The following SLC38A12 variants were observed in gnomAD, a reference collection of about 807,000 sequenced individuals.
SLC38A12 encodes the protein solute carrier family 38 member 12.
chr17:74,789,663 T>A, the SLC38A12 span, among the ~76,000 whole-genome samples: 2 of 151,568 alleles, frequency 1.3e-5, no homozygotes, highest in African/African-American at 4.9e-5. Flanking sequence ...CTGACTAACA[T>A]GGTGAAACCC....
chr17:74,811,979 G>A, the SLC38A12 span, among the ~76,000 whole-genome samples: 3 of 151,910 alleles, frequency 2.0e-5, no homozygotes, highest in African/African-American at 4.8e-5. Context: ...CTAGGAGTTC[G>A]GGGCTGCAGT....
chr17:74,801,985 C>T, the SLC38A12 span, among the ~76,000 whole-genome samples: 1 of 152,102 alleles, frequency 6.6e-6, no homozygotes, highest in Non-Finnish European at 1.5e-5. Context: ...CCCACCACCC[C>T]ACCCATTCCT....
At chr17:74,816,442 G>T in the SLC38A12 span, among the ~76,000 whole-genome samples, 1 of 152,200 alleles carries the variant, frequency 6.6e-6, no homozygotes, top group Non-Finnish European at 1.5e-5. Context: ...ACTGCAGAAC[G>T]TTCTAAAAGA....
chr17:74,835,491 C>T, the SLC38A12 span, among the ~76,000 whole-genome samples: 1 of 152,160 alleles, frequency 6.6e-6, no homozygotes, highest in Non-Finnish European at 1.5e-5. Flanking sequence ...ATTCCTTAAA[C>T]CAAGGGAGAG....
the SLC38A12 span, among the ~76,000 whole-genome samples, chr17:74,801,259 T>C: frequency 9.2e-5 from 14 of 152,362 alleles, no homozygotes; most frequent in African/African-American, 3.4e-4. Context: ...TGTTTTGCCT[T>C]TCACCTTTTC....
chr17:74,823,162 C>G, the SLC38A12 span, among the ~76,000 whole-genome samples: 2 of 152,200 alleles, frequency 1.3e-5, no homozygotes, highest in East Asian at 3.8e-4. Flanking sequence ...TCTCCCCTCT[C>G]CCCAGATGAG....
the SLC38A12 span, among the ~76,000 whole-genome samples, chr17:74,808,633 T>G: frequency 6.6e-6 from 1 of 152,092 alleles, no homozygotes; most frequent in South Asian, 2.1e-4. Flanking sequence ...TGGGAAGGGC[T>G]CCAGGTAGAG....
chr17:74,780,912 AG>A, the SLC38A12 span, among the ~76,000 whole-genome samples: 5 of 152,168 alleles, frequency 3.3e-5, no homozygotes, highest in African/African-American at 1.2e-4. Context: ...AAGGTTCCTA[AG>A]TTTCTTTTGG....
the SLC38A12 span, among the ~76,000 whole-genome samples, chr17:74,814,144 G>T: frequency 1.3e-5 from 2 of 152,174 alleles, no homozygotes; most frequent in Non-Finnish European, 2.9e-5. Flanking sequence ...CCACCCCTCT[G>T]GGAGCCAAGC....
At chr17:74,784,412 A>AG in the SLC38A12 span, among the ~76,000 whole-genome samples, 4 of 152,150 alleles carry the variant, frequency 2.6e-5, no homozygotes, top group Non-Finnish European at 5.9e-5. Flanking sequence ...TGTGATCTGG[A>AG]GGGGAAGGAA....
chr17:74,838,127 C>T, the SLC38A12 span: 1 of 985,798 alleles, frequency 1.0e-6, no homozygotes, highest in Non-Finnish European at 1.2e-6. Context: ...TGCGCCACCT[C>T]TGCCCTGGCA....
the SLC38A12 span, chr17:74,837,996 C>G: frequency 1.0e-6 from 1 of 985,828 alleles, no homozygotes; most frequent in African/African-American, 1.7e-5. Flanking sequence ...TTGCTCAGCC[C>G]CTCCCCTGTA....
chr17:74,836,247 G>T, the SLC38A12 span: 1 of 1,611,274 alleles, frequency 6.2e-7, no homozygotes. The surrounding 1 kb of genome is among the most constrained non-coding windows in gnomAD (Gnocchi z 4.2). Flanking sequence ...CGTGGGCCTG[G>T]CCGCTGTGCG....
At chr17:74,836,179 G>C in the SLC38A12 span, 2 of 1,612,942 alleles carry the variant, frequency 1.2e-6, no homozygotes, top group East Asian at 4.5e-5. The surrounding 1 kb of genome is among the most constrained non-coding windows in gnomAD (Gnocchi z 4.2). Context: ...GCCATCTTCT[G>C]CTTCCGCGGC....
chr17:74,809,810 G>A, the SLC38A12 span, among the ~76,000 whole-genome samples: 1 of 152,130 alleles, frequency 6.6e-6, no homozygotes, highest in Non-Finnish European at 1.5e-5. Flanking sequence ...ATTCTTCCAG[G>A]TTCCCCAGCA....
chr17:74,828,744 G>A, the SLC38A12 span, among the ~76,000 whole-genome samples: 1 of 152,172 alleles, frequency 6.6e-6, no homozygotes, highest in Non-Finnish European at 1.5e-5. Context: ...TGGGCTTTTC[G>A]AGAAGGATTG....
the SLC38A12 span, among the ~76,000 whole-genome samples, chr17:74,830,987 C>CG: frequency 6.6e-6 from 1 of 152,190 alleles, no homozygotes; most frequent in Non-Finnish European, 1.5e-5. Context: ...TGGGTGTCCT[C>CG]GGGGGCCCCC....
At chr17:74,785,630 A>C in the SLC38A12 span, 2 of 1,607,592 alleles carry the variant, frequency 1.2e-6, no homozygotes, top group Non-Finnish European at 1.7e-6. Context: ...ACTTCCCCAC[A>C]GGGGCCAGGA....
At chr17:74,794,961 C>T in the SLC38A12 span, 16 of 1,378,038 alleles carry the variant, frequency 1.2e-5, no homozygotes, top group East Asian at 1.2e-4. Context: ...AAAAAAAAAA[C>T]ATGCAGACAT....
Sources: gnomAD v4.1 joint callset for allele counts (sites outside exome capture counted in the v4.1 genomes callset) on GRCh38, gnomAD v4.1.1 for gene constraint, Gnocchi (gnomAD v3.1) non-coding constraint, MANE v1.5 for transcripts, NCBI Gene and HGNC (gene_info 2026-07-23, HGNC 2026-07-21) for gene names.